The following STIM2 variants were observed in gnomAD, a reference collection of about 807,000 sequenced individuals.
STIM2 encodes the protein stromal interaction molecule 2.
A neutral mutation model predicts 85.8 loss-of-function variants in STIM2; 31 were observed. The ratio of observed to expected loss-of-function variants is 0.36; its 90% CI spans 0.27 to 0.49. The LOEUF (loss-of-function observed/expected upper bound fraction) is 0.49, where lower values mean the gene tolerates loss of function less well. Among genes scored for constraint, STIM2 ranks in the 20% least tolerant of loss-of-function variants. STIM2 has a pLI of 0.98. For missense variants in STIM2, 841 were observed against 927.6 expected, an observed-to-expected ratio of 0.91 and a Z score of 1.21; for synonymous variants, 356 against 331.1, an observed-to-expected ratio of 1.08 and a Z score of -0.82.
rs1294075814 is a variant in STIM2 at position 27,002,458 on chromosome 4, G to C, written c.803+64G>C. 3 of 1,302,210 alleles carry C rather than the reference G, an allele frequency of 2.3e-6. No individual in the cohort carries two copies. The Admixed American group carries it at 6.8e-5, about 29-fold the overall frequency. 80.7% of individuals were successfully genotyped at this position (1,302,210 alleles called of 1,614,324 possible). A position where few individuals can be genotyped will look rare whatever the true frequency, so the allele number is the denominator to read the frequency against. ...ATACAATTTGTAAAAAAAGTGATATGGGCATGTGCTTAAATACTTACATTT... is the reference window on the plus strand; with the variant it reads ...ATACAATTTGTAAAAAAAGTGATATCGGCATGTGCTTAAATACTTACATTT... On this transcript the variant is annotated intron_variant, in intron 6 of 11. Coordinates refer to ENST00000467087, the MANE Select transcript of STIM2 (RefSeq NM_020860.4).
intron 1 of STIM2, chr4:26,874,214 G>C: frequency 2.1e-6 from 1 of 468,380 alleles, no homozygotes. Flanking sequence ...GTCTGCACAG[G>C]GAACCCAGGG....
At chr4:27,016,582 A>T (rs1449686448) in intron 10 of STIM2, among the ~76,000 whole-genome samples, 3 of 152,196 alleles carry the variant, frequency 2.0e-5, no homozygotes, top group African/African-American at 7.2e-5. Context: ...CAGAGTATTG[A>T]GTTTTTCACA....
chr4:27,022,294 A>C (rs567001785), intron 11 of STIM2, among the ~76,000 whole-genome samples: 1 of 152,184 alleles, frequency 6.6e-6, no homozygotes, highest in African/African-American at 2.4e-5. Context: ...GTAGTTTGTA[A>C]GATTTCTTTA....
intron 2 of STIM2, among the ~76,000 whole-genome samples, chr4:26,920,514 C>T (rs1375279420): frequency 6.6e-6 from 1 of 152,100 alleles, no homozygotes; most frequent in Non-Finnish European, 1.5e-5. Context: ...TCTTCAGTCC[C>T]TTTGTTGGAT....
intron 3 of STIM2, among the ~76,000 whole-genome samples, chr4:26,981,968 TC>T: frequency 1.0e-5 from 1 of 99,192 alleles, no homozygotes; most frequent in East Asian, 3.0e-4. Context: ...AATGTGTAAT[TC>T]TTTTTTTTTT....
chr4:26,909,497 A>T (rs1169167446), intron 1 of STIM2, among the ~76,000 whole-genome samples: 2 of 152,232 alleles, frequency 1.3e-5, no homozygotes, highest in Admixed American at 1.3e-4. Flanking sequence ...TTTATTTTGC[A>T]TGATTGTTGT....
chr4:26,915,031 A>G (rs991341461), intron 1 of STIM2, among the ~76,000 whole-genome samples: 3 of 152,178 alleles, frequency 2.0e-5, no homozygotes, highest in Admixed American at 1.3e-4. Context: ...ACTTGAGCAT[A>G]GATTTGGAGT....
chr4:26,960,332 A>G (rs890379626), intron 3 of STIM2, among the ~76,000 whole-genome samples: 17 of 152,322 alleles, frequency 1.1e-4, no homozygotes, highest in African/African-American at 3.8e-4. Flanking sequence ...ATGTGTGTAT[A>G]TATGTATTTA....
At chr4:26,965,305 A>C (rs564801674) in intron 3 of STIM2, among the ~76,000 whole-genome samples, 1 of 152,252 alleles carries the variant, frequency 6.6e-6, no homozygotes, top group South Asian at 2.1e-4. Flanking sequence ...TTGCTCATTC[A>C]CTCTGTCAAC....
rs142956315 is a variant in STIM2, at chr4:26,908,299, T to C, written c.152-11205T>C. ...ACAGGTTGTGAGATATAGGGAAAGA[T>C]AGAGTTCTTTGGATTTGGACAGACG... On this transcript the variant is annotated intron_variant, in intron 1 of 11. Coordinates refer to ENST00000467087, the MANE Select transcript of STIM2 (RefSeq NM_020860.4). 2.2e-3 allele frequency among the ~76,000 whole-genome samples: 336 copies of C among 152,262 alleles called. 1 individual carries two copies. Among genetic ancestry groups the C allele is most frequent in the Non-Finnish European group, 2.6e-3 (178 of 67,998 alleles).
At chr4:26,934,244 A>C (rs1056618209) in intron 2 of STIM2, among the ~76,000 whole-genome samples, 1 of 152,156 alleles carries the variant, frequency 6.6e-6, no homozygotes, top group Admixed American at 6.5e-5. Flanking sequence ...AATGAGATAA[A>C]ATTAAATGTA....
intron 7 of STIM2, among the ~76,000 whole-genome samples, chr4:27,005,057 A>ACTGCT (rs1728284665): frequency 6.6e-6 from 1 of 152,210 alleles, no homozygotes; most frequent in African/African-American, 2.4e-5. Context: ...GTCTTCTTAT[A>ACTGCT]CTGCTATTAA....
At chr4:26,990,013 A>C (rs1053196468) in intron 3 of STIM2, among the ~76,000 whole-genome samples, 8 of 152,180 alleles carry the variant, frequency 5.3e-5, no homozygotes, top group Admixed American at 5.2e-4. Flanking sequence ...TCATCTTGTT[A>C]AAATGTCTTT....
chr4:26,901,927 T>G (rs1723938871), intron 1 of STIM2, among the ~76,000 whole-genome samples: 1 of 152,076 alleles, frequency 6.6e-6, no homozygotes, highest in African/African-American at 2.4e-5. Flanking sequence ...TTATTAAGAG[T>G]GCAGAGTAGG....
intron 1 of STIM2, among the ~76,000 whole-genome samples, chr4:26,895,802 T>C (rs1343602768): frequency 6.6e-6 from 1 of 152,222 alleles, no homozygotes; most frequent in East Asian, 1.9e-4. Context: ...TTTTGGCTTA[T>C]CTACTACCTC....
At chr4:27,003,732 C>T (rs1338855499) in intron 7 of STIM2, among the ~76,000 whole-genome samples, 1 of 151,938 alleles carries the variant, frequency 6.6e-6, no homozygotes, top group African/African-American at 2.4e-5. Flanking sequence ...AATTTATCAT[C>T]GTAAAGTTCT....
intron 1 of STIM2, among the ~76,000 whole-genome samples, chr4:26,891,101 G>A (rs919244268): frequency 6.6e-6 from 1 of 152,210 alleles, no homozygotes; most frequent in East Asian, 1.9e-4. Context: ...AGTTCAGTTT[G>A]TGTGATGGAT....
rs1475479417 is a variant in STIM2, at chr4:26,919,842, G to A, written c.282+208G>A. 2.0e-5 allele frequency among the ~76,000 whole-genome samples: 3 copies of A among 152,008 alleles called. No individual in the cohort carries two copies. In the East Asian group the frequency reaches 5.8e-4, roughly 29 times the overall value. On this transcript the variant is annotated intron_variant, in intron 2 of 11. Transcript: ENST00000467087. ...CCCCATTTGGATATAAGTCTTCCCA[G>A]TTGTATAAAAATTTTCCATCTCATG...
chr4:26,868,300 G>C (rs371076130), intron 1 of STIM2, among the ~76,000 whole-genome samples: 1 of 152,018 alleles, frequency 6.6e-6, no homozygotes, highest in African/African-American at 2.4e-5. Flanking sequence ...GTATGGATTT[G>C]TTTTTTTGTG....
Sources: allele counts gnomAD v4.1 joint callset (sites outside exome capture counted in the v4.1 genomes callset), GRCh38; gene constraint gnomAD v4.1.1; transcripts MANE v1.5; gene names NCBI Gene and HGNC (gene_info 2026-07-23, HGNC 2026-07-21).